Variants in PREX1 observed in about 807,000 individuals in gnomAD.
The protein encoded by PREX1 is phosphatidylinositol 3,4,5-trisphosphate-dependent Rac exchanger 1 protein.
A neutral mutation model predicts 198.3 loss-of-function variants in PREX1; 41 were observed. That is an observed-to-expected ratio of 0.21 (90% CI 0.16 to 0.27). The LOEUF (loss-of-function observed/expected upper bound fraction) is 0.27. Ranked by LOEUF, PREX1 falls within the 10% of genes least tolerant of loss-of-function variation. The pLI, the probability that PREX1 is intolerant of heterozygous loss-of-function variation, is 1.00. For missense variants in PREX1, 1,620 were observed against 2,200.7 expected, an observed-to-expected ratio of 0.74 and a Z score of 5.28; for synonymous variants, 843 against 887.2, an observed-to-expected ratio of 0.95 and a Z score of 0.89.
At chr20:48,809,725 T>G (rs2090426293) in intron 1 of PREX1, among the ~76,000 whole-genome samples, 1 of 152,198 alleles carries the variant, frequency 6.6e-6, no homozygotes, top group Admixed American at 6.5e-5. Context: ...CGGGATGGTA[T>G]CAGGGTCCTG....
intron 3 of PREX1, 130 bp from the exon 4 acceptor site, chr20:48,734,780 G>A (rs2090049793): frequency 2.9e-6 from 2 of 686,440 alleles, no homozygotes; most frequent in East Asian, 2.8e-5. Flanking sequence ...TACAGCAGGA[G>A]GTATCTCAGG....
chr20:48,810,585 T>TA (rs760906489), intron 1 of PREX1, among the ~76,000 whole-genome samples: 369 of 77,576 alleles, frequency 4.8e-3, no homozygotes, highest in African/African-American at 6.9e-3. Flanking sequence ...TCACCTCAAT[T>TA]AAAAAAAAAA....
intron 1 of PREX1, among the ~76,000 whole-genome samples, chr20:48,789,328 C>T (rs1340657641): frequency 6.6e-6 from 1 of 152,258 alleles, no homozygotes; most frequent in Non-Finnish European, 1.5e-5. Context: ...CAGGCCCTGA[C>T]TCTGCTCCTC....
At chr20:48,808,023 A>C (rs2123033945) in intron 1 of PREX1, among the ~76,000 whole-genome samples, 1 of 152,286 alleles carries the variant, frequency 6.6e-6, no homozygotes, top group African/African-American at 2.4e-5. Flanking sequence ...AATGGATTTC[A>C]CACCCAGGAG....
At chr20:48,627,990 G>T in intron 37 of PREX1, 27 bp from the exon 38 acceptor site, 1 of 1,433,456 alleles carries the variant, frequency 7.0e-7, no homozygotes, top group Non-Finnish European at 9.7e-7. Context: ...AGGACAGCGG[G>T]TTGGCGGTGG....
At chr20:48,761,430 G>A (rs557227880) in intron 1 of PREX1, among the ~76,000 whole-genome samples, 1 of 152,298 alleles carries the variant, frequency 6.6e-6, no homozygotes, top group South Asian at 2.1e-4. Flanking sequence ...AAAAGGATGT[G>A]TTTAATTAAT....
chr20:48,740,816 G>T (rs926850606), intron 3 of PREX1, among the ~76,000 whole-genome samples: 1 of 152,200 alleles, frequency 6.6e-6, no homozygotes, highest in African/African-American at 2.4e-5. Context: ...GGTCTTAGCT[G>T]GTGTGATGTA....
At chr20:48,701,157 A>T (rs8116667) in intron 6 of PREX1, among the ~76,000 whole-genome samples, 3 of 152,152 alleles carry the variant, frequency 2.0e-5, no homozygotes, top group African/African-American at 4.8e-5. Flanking sequence ...CCCAGCTCAT[A>T]CAGGTAATAG....
chr20:48,879,560 G>C, the PREX1 span, among the ~76,000 whole-genome samples: 1 of 152,164 alleles, frequency 6.6e-6, no homozygotes, highest in African/African-American at 2.4e-5. Context: ...CCTGTATTCT[G>C]TTTATGATTA....
the PREX1 span, among the ~76,000 whole-genome samples, chr20:48,835,147 C>A: frequency 6.6e-6 from 1 of 152,192 alleles, no homozygotes; most frequent in Non-Finnish European, 1.5e-5. Context: ...CCAAGCCATG[C>A]CAAGCCACTG....
intron 33 of PREX1, 100 bp from the exon 34 acceptor site, chr20:48,632,739 G>T: frequency 7.5e-7 from 1 of 1,337,038 alleles, no homozygotes; most frequent in South Asian, 1.3e-5. Flanking sequence ...CCTGCCCCCA[G>T]GTCCAGGGGG....
chr20:48,656,946 A>T, intron 18 of PREX1, 94 bp downstream of exon 18: 1 of 1,410,142 alleles, frequency 7.1e-7, no homozygotes, highest in Non-Finnish European at 9.4e-7. Context: ...GGTCCCAGCC[A>T]CGGGGGACCA....
chr20:48,633,345 T>C (rs1431609767), intron 33 of PREX1, among the ~76,000 whole-genome samples: 1 of 152,218 alleles, frequency 6.6e-6, no homozygotes, highest in African/African-American at 2.4e-5. Context: ...TTTCCTCTTT[T>C]AATGTATAAT....
At chr20:48,839,803 G>C in the PREX1 span, among the ~76,000 whole-genome samples, 1 of 152,078 alleles carries the variant, frequency 6.6e-6, no homozygotes, top group Admixed American at 6.6e-5. Flanking sequence ...TTCCCTTATA[G>C]CTGATAGGGA....
chr20:48,753,081 C>T (rs997766498), intron 1 of PREX1, among the ~76,000 whole-genome samples: 5 of 152,130 alleles, frequency 3.3e-5, no homozygotes, highest in Non-Finnish European at 5.9e-5. Context: ...AGAGAAGGAC[C>T]AGAGAGACTG....
Position 48,768,991 on chromosome 20 carries a change from C to T in PREX1, c.220-21111G>A, listed in dbSNP as rs151075430. On this transcript the variant is annotated intron_variant, in intron 1 of 39. Coordinates refer to ENST00000371941, the MANE Select transcript of PREX1 (RefSeq NM_020820.4). ...AAAGGGTTTAAAAGGAGATTGTCACCGTCCACCCTGGTTTGTCTACTGTCC... is the reference window on the plus strand; with the variant it reads ...AAAGGGTTTAAAAGGAGATTGTCACTGTCCACCCTGGTTTGTCTACTGTCC... Among the ~76,000 whole-genome samples, 59 of 152,032 alleles carry T rather than the reference C, an allele frequency of 3.9e-4. 1 individual carries two copies. Among genetic ancestry groups the T allele is most frequent in the African/African-American group, 1.3e-3 (54 of 41,460 alleles).
intron 4 of PREX1, among the ~76,000 whole-genome samples, chr20:48,730,932 G>C (rs2090032257): frequency 6.6e-6 from 1 of 152,116 alleles, no homozygotes; most frequent in Admixed American, 6.5e-5. Flanking sequence ...GGATGTCGAG[G>C]CTGCAGTGGG....
chr20:48,672,577 G>A (rs959884554), intron 14 of PREX1, among the ~76,000 whole-genome samples: 4 of 152,244 alleles, frequency 2.6e-5, no homozygotes, highest in African/African-American at 4.8e-5. Flanking sequence ...GTGCGCCCAC[G>A]CGGCTTCCTC....
At chr20:48,825,053 G>C (rs1339121477) in intron 1 of PREX1, among the ~76,000 whole-genome samples, 1 of 152,216 alleles carries the variant, frequency 6.6e-6, no homozygotes, top group Non-Finnish European at 1.5e-5. Context: ...GAAGACAGAA[G>C]AGAATCACAA....
Sources: allele counts gnomAD v4.1 joint callset (sites outside exome capture counted in the v4.1 genomes callset), GRCh38; gene constraint gnomAD v4.1.1; transcripts MANE v1.5; gene names NCBI Gene and HGNC (gene_info 2026-07-23, HGNC 2026-07-21).